AP3B1: variants seen among roughly 807,000 people sequenced by gnomAD.
AP3B1 encodes the protein AP-3 complex subunit beta-1.
A neutral mutation model predicts 132.5 loss-of-function variants in AP3B1; 61 were observed. The ratio of observed to expected loss-of-function variants is 0.46; its 90% CI spans 0.37 to 0.57. The LOEUF (loss-of-function observed/expected upper bound fraction) is 0.57, where lower values mean the gene tolerates loss of function less well. AP3B1 is among the 20% of genes least tolerant of loss of function. AP3B1 has a pLI of 0.00. For missense variants in AP3B1, 1,120 were observed against 1,289.4 expected, an observed-to-expected ratio of 0.87 and a Z score of 2.01; for synonymous variants, 388 against 438.3, an observed-to-expected ratio of 0.89 and a Z score of 1.43.
intron 22 of AP3B1, among the ~76,000 whole-genome samples, chr5:78,048,630 G>GA (rs373638557): frequency 6.6e-5 from 10 of 150,988 alleles, no homozygotes; most frequent in South Asian, 4.2e-4. Context: ...TGTTCAGTGA[G>GA]AAAAAAAAAT....
At position 78,193,835 on chromosome 5, in the gene AP3B1, A is replaced by G. The variant is rs1267006343; in HGVS notation, c.787-12173T>C. Reference sequence around the variant, plus strand: ...GGAGTGCAGTGGCGTGATCTCGCTCACTGCAAGCTCCCGGGTTCACGCCAT... The same window carrying G: ...GGAGTGCAGTGGCGTGATCTCGCTCGCTGCAAGCTCCCGGGTTCACGCCAT... On this transcript the variant is annotated intron_variant, in intron 7 of 26. Transcript: ENST00000255194. Among the ~76,000 whole-genome samples, 10 of 145,558 alleles carry G rather than the reference A, an allele frequency of 6.9e-5. No individual in the cohort carries two copies. The South Asian group carries it at 2.2e-3, about 31-fold the overall frequency.
intron 2 of AP3B1, among the ~76,000 whole-genome samples, chr5:78,255,285 A>C (rs868436358): frequency 6.6e-6 from 1 of 152,122 alleles, no homozygotes; most frequent in South Asian, 2.1e-4. Flanking sequence ...AAACTCGCCA[A>C]TCAGAAAAAC....
At chr5:78,262,190 G>A (rs1335281707) in intron 2 of AP3B1, among the ~76,000 whole-genome samples, 1 of 152,072 alleles carries the variant, frequency 6.6e-6, no homozygotes, top group Admixed American at 6.6e-5. Flanking sequence ...TTTTCACTTT[G>A]TTGACAGAGT....
intron 1 of AP3B1, among the ~76,000 whole-genome samples, chr5:78,293,231 A>G (rs144769208): frequency 5.0e-4 from 76 of 152,298 alleles, no homozygotes; most frequent in Middle Eastern, 3.4e-3. Flanking sequence ...ACAAACCATA[A>G]AAGTAAATTA....
At chr5:78,059,947 T>G (rs1410842110) in intron 22 of AP3B1, among the ~76,000 whole-genome samples, 1 of 152,036 alleles carries the variant, frequency 6.6e-6, no homozygotes. Context: ...TATAGACACT[T>G]GGTTGAAGAA....
chr5:78,044,287 T>C (rs1249194301), intron 22 of AP3B1: 1 of 152,674 alleles, frequency 6.5e-6, no homozygotes, highest in East Asian at 1.9e-4. Flanking sequence ...TTTTTTGCCA[T>C]AAATTCCCAT....
At chr5:78,110,745 C>T (rs1450146442) in intron 19 of AP3B1, among the ~76,000 whole-genome samples, 2 of 143,082 alleles carry the variant, frequency 1.4e-5, no homozygotes, top group East Asian at 2.0e-4. Context: ...TATATATATA[C>T]GTATATACAT....
At chr5:78,260,125 G>C (rs897424015) in intron 2 of AP3B1, among the ~76,000 whole-genome samples, 1 of 151,882 alleles carries the variant, frequency 6.6e-6, no homozygotes, top group African/African-American at 2.4e-5. Flanking sequence ...AAAAATCTAA[G>C]GAAAAGAAAA....
intron 22 of AP3B1, chr5:78,041,765 G>C (rs931613405): frequency 6.6e-6 from 1 of 152,570 alleles, no homozygotes; most frequent in Non-Finnish European, 1.5e-5. Flanking sequence ...CTAAGGTTAG[G>C]TTCTTTTCCT....
chr5:78,169,585 C>T (rs771446532), intron 11 of AP3B1, among the ~76,000 whole-genome samples: 9 of 151,930 alleles, frequency 5.9e-5, no homozygotes, highest in Non-Finnish European at 1.2e-4. Flanking sequence ...TCGGCCACCA[C>T]GCCTGGCTAA....
At chr5:78,249,579 C>CT (rs71301504) in intron 2 of AP3B1, among the ~76,000 whole-genome samples, 2,003 of 104,972 alleles carry the variant, frequency 0.019, 31 homozygotes, top group Middle Eastern at 0.034. Flanking sequence ...TTTTCTTTTT[C>CT]TTTTTTTTTT....
intron 13 of AP3B1, among the ~76,000 whole-genome samples, chr5:78,159,373 A>T (rs1366901590): frequency 6.6e-6 from 1 of 152,204 alleles, no homozygotes; most frequent in Non-Finnish European, 1.5e-5. Flanking sequence ...GCTTAAAACA[A>T]TGCAAATTTA....
chr5:78,162,848 C>A lies in AP3B1; in HGVS notation c.1334G>T (p.Gly445Val), dbSNP rs999196176. The change falls in exon 13 of 27, where the codon GGC becomes GTC. Residue 445 changes from glycine to valine, a missense_variant. Gly to Val is a moderately radical substitution (Grantham distance 109). This residue lies in a region of AP3B1 where 906 missense variants were observed against 997.1 expected (regional missense o/e 0.91). Coordinates refer to ENST00000255194, the MANE Select transcript of AP3B1 (RefSeq NM_003664.5). The stretch of plus-strand genomic sequence containing the variant: ...CCTGTTGGACAGCAGACAGACCAAG[C>A]CATTGAGGCACGTGTCAGTGACTTC... ...ILEVTDTCLN[G>V]LVCLLSNRDE... 1 of 1,613,956 alleles carries A rather than the reference C, an allele frequency of 6.2e-7. No homozygotes were observed. The highest frequency in any genetic ancestry group is 1.3e-5 in the African/African-American group (1 of 75,042).
chr5:78,056,981 G>A (rs1015994270), intron 22 of AP3B1, among the ~76,000 whole-genome samples: 13 of 152,070 alleles, frequency 8.5e-5, no homozygotes, highest in African/African-American at 2.7e-4. Context: ...TAAAAAGGTC[G>A]GTGTCCAGAA....
intron 1 of AP3B1, among the ~76,000 whole-genome samples, chr5:78,283,637 TTATC>T (rs918272781): frequency 4.6e-5 from 7 of 152,142 alleles, no homozygotes; most frequent in Admixed American, 2.6e-4. Context: ...CCTGAATACC[TTATC>T]TATCTATCTA....
intron 11 of AP3B1, among the ~76,000 whole-genome samples, chr5:78,171,295 A>T (rs1278468758): frequency 6.6e-6 from 1 of 152,142 alleles, no homozygotes; most frequent in Non-Finnish European, 1.5e-5. Context: ...CTTGATGGGG[A>T]GGGCATTGAA....
intron 22 of AP3B1, among the ~76,000 whole-genome samples, chr5:78,078,032 C>T (rs770740228): frequency 6.6e-6 from 1 of 152,200 alleles, no homozygotes; most frequent in Admixed American, 6.5e-5. Context: ...TTACCCATAA[C>T]CTGATGGCTT....
At chr5:78,269,796 C>T (rs1314968474) in intron 1 of AP3B1, among the ~76,000 whole-genome samples, 5 of 152,206 alleles carry the variant, frequency 3.3e-5, no homozygotes, top group East Asian at 1.9e-4. Flanking sequence ...AGAACCGTGA[C>T]GGAACAATTT....
intron 1 of AP3B1, among the ~76,000 whole-genome samples, chr5:78,291,540 C>T (rs1414348638): frequency 6.6e-6 from 1 of 150,912 alleles, no homozygotes; most frequent in East Asian, 1.9e-4. Context: ...GTTCAAGAAG[C>T]ATGCATCACC....
Sources: gnomAD v4.1 joint callset for allele counts (sites outside exome capture counted in the v4.1 genomes callset) on GRCh38, gnomAD v4.1.1 for gene constraint, gnomAD v4.1.1 regional missense constraint, MANE v1.5 for transcripts, NCBI Gene and HGNC (gene_info 2026-07-23, HGNC 2026-07-21) for gene names.